LAMA2: variants seen among roughly 807,000 people sequenced by gnomAD.
LAMA2 encodes the protein laminin subunit alpha-2.
A neutral mutation model predicts 364.8 loss-of-function variants in LAMA2; 269 were observed. The observed-to-expected ratio is 0.74, with a 90% CI of 0.67 to 0.82. The LOEUF (loss-of-function observed/expected upper bound fraction) is 0.82, where lower values mean the gene tolerates loss of function less well. Ranked by LOEUF, LAMA2 falls within the 40% of genes least tolerant of loss-of-function variation. The pLI, the probability that LAMA2 is intolerant of heterozygous loss-of-function variation, is 0.00. For synonymous variants in LAMA2, 1,379 were observed against 1,370.6 expected, an observed-to-expected ratio of 1.01 and a Z score of -0.14; for missense variants, 3,807 against 3,873.2, an observed-to-expected ratio of 0.98 and a Z score of 0.45.
intron 1 of LAMA2, among the ~76,000 whole-genome samples, chr6:128,916,451 A>G (rs896882179): frequency 6.6e-6 from 1 of 152,224 alleles, no homozygotes; most frequent in Non-Finnish European, 1.5e-5. Flanking sequence ...CTTCTGTTAC[A>G]TGAATACCTG....
At chr6:129,068,101 C>T (rs1247765980) in intron 3 of LAMA2, among the ~76,000 whole-genome samples, 1 of 152,150 alleles carries the variant, frequency 6.6e-6, no homozygotes, top group African/African-American at 2.4e-5. Flanking sequence ...TAGTGCACAA[C>T]ATATAGGAAG....
At chr6:129,100,108 G>A (rs1775435424) in intron 4 of LAMA2, among the ~76,000 whole-genome samples, 1 of 152,186 alleles carries the variant, frequency 6.6e-6, no homozygotes. Context: ...CGGCAGGTAT[G>A]TAACATGCGT....
chr6:129,427,918 A>T (rs147850997), intron 41 of LAMA2, 64 bp downstream of exon 41: 15 of 958,978 alleles, frequency 1.6e-5, no homozygotes, highest in Non-Finnish European at 2.4e-5. Flanking sequence ...AAGATATTCT[A>T]TCACACTATT....
chr6:129,058,042 A>G (rs1298247491), intron 2 of LAMA2, among the ~76,000 whole-genome samples: 2 of 152,192 alleles, frequency 1.3e-5, no homozygotes, highest in African/African-American at 2.4e-5. Context: ...TTACATTTCT[A>G]TGGGCAAATG....
intron 10 of LAMA2, among the ~76,000 whole-genome samples, chr6:129,188,132 AT>A (rs1781335325): frequency 1.3e-5 from 2 of 151,856 alleles, no homozygotes; most frequent in Admixed American, 1.3e-4. Flanking sequence ...TCCACCTTGC[AT>A]TATAGTTGAT....
chr6:128,955,793 T>G (rs1781106492), intron 1 of LAMA2, among the ~76,000 whole-genome samples: 2 of 151,946 alleles, frequency 1.3e-5, no homozygotes, highest in Admixed American at 1.3e-4. Context: ...ATTTAAAAGT[T>G]TTAGCATTGC....
At chr6:129,164,166 A>C (rs1476846479) in intron 8 of LAMA2, among the ~76,000 whole-genome samples, 2 of 152,052 alleles carry the variant, frequency 1.3e-5, no homozygotes, top group Non-Finnish European at 2.9e-5. Context: ...TATATATACT[A>C]TGTTTTTTCT....
At chr6:129,399,907 G>A (rs1306420654) in intron 37 of LAMA2, among the ~76,000 whole-genome samples, 1 of 152,220 alleles carries the variant, frequency 6.6e-6, no homozygotes, top group Non-Finnish European at 1.5e-5. Context: ...CTATCATTAA[G>A]TAGACAGGGG....
In LAMA2 at chr6:129,464,471, G is replaced by C; in HGVS notation, c.7155+19G>C. The stretch of plus-strand genomic sequence containing the variant: ...AGACCTGGTAAAGATCATATGCATA[G>C]CAGAGTTTCCGTGACTAAAATGCGT... On this transcript the variant is annotated intron_variant, in intron 50 of 64. Coordinates refer to ENST00000421865, the MANE Select transcript of LAMA2 (RefSeq NM_000426.4). The C allele has an allele frequency of 6.2e-7, 1 of 1,601,400 alleles. No individual in the cohort carries two copies. The highest frequency in any genetic ancestry group is 1.3e-5 in the African/African-American group (1 of 74,578).
At chr6:129,094,754 TTCTC>T (rs1775068746) in intron 3 of LAMA2, among the ~76,000 whole-genome samples, 1 of 152,196 alleles carries the variant, frequency 6.6e-6, no homozygotes, top group South Asian at 2.1e-4. Flanking sequence ...TTTACCTAGA[TTCTC>T]TCTTTCACAA....
At chr6:129,398,168 A>G (rs1300304409) in intron 37 of LAMA2, among the ~76,000 whole-genome samples, 6 of 152,222 alleles carry the variant, frequency 3.9e-5, no homozygotes, top group African/African-American at 1.4e-4. Context: ...CAAACAAGCC[A>G]TGTTGTAAAA....
At chr6:129,513,971 T>C (rs902746210) in intron 63 of LAMA2, among the ~76,000 whole-genome samples, 2 of 152,158 alleles carry the variant, frequency 1.3e-5, no homozygotes, top group African/African-American at 4.8e-5. Context: ...AATTAATGAG[T>C]CACTTTAAAC....
rs773370629 is a variant in LAMA2, at chr6:129,393,269, G to C, written c.5445+14G>C. 6.3e-7 allele frequency: 1 copy of C among 1,594,772 alleles called. No homozygotes were observed. Among genetic ancestry groups the C allele is most frequent in the Non-Finnish European group, 8.6e-7 (1 of 1,162,566 alleles). The stretch of plus-strand genomic sequence containing the variant: ...ACTGCATTGGAGGTGAGTCTTAGGG[G>C]CACTTTTATCTTAATCTCAGAAGGT... On this transcript the variant is annotated intron_variant, in intron 37 of 64. Transcript: ENST00000421865.
intron 48 of LAMA2, among the ~76,000 whole-genome samples, 183 bp from the exon 49 acceptor site, chr6:129,460,017 T>A (rs1455666395): frequency 6.6e-6 from 1 of 152,046 alleles, no homozygotes; most frequent in African/African-American, 2.4e-5. Flanking sequence ...TGTTGACTCA[T>A]CCTGTAGTAG....
intron 1 of LAMA2, among the ~76,000 whole-genome samples, chr6:129,035,898 A>G (rs1786608036): frequency 6.6e-6 from 1 of 152,098 alleles, no homozygotes; most frequent in Non-Finnish European, 1.5e-5. Flanking sequence ...CTCAGAGCAT[A>G]GTGTGAAGTC....
intron 21 of LAMA2, among the ~76,000 whole-genome samples, chr6:129,298,431 C>T (rs563897508): frequency 1.3e-5 from 2 of 152,242 alleles, no homozygotes; most frequent in African/African-American, 2.4e-5. Context: ...CCATGATTCC[C>T]TCAAGCAGTA....
At chr6:129,169,707 C>A (rs1301347975) in intron 9 of LAMA2, among the ~76,000 whole-genome samples, 1 of 136,758 alleles carries the variant, frequency 7.3e-6, no homozygotes, top group Non-Finnish European at 1.5e-5. Flanking sequence ...CCCTCTTTTT[C>A]TATTGATTGG....
intron 30 of LAMA2, among the ~76,000 whole-genome samples, chr6:129,344,277 G>C (rs1217328256): frequency 6.6e-6 from 1 of 152,162 alleles, no homozygotes; most frequent in African/African-American, 2.4e-5. Context: ...GTAGGTAATA[G>C]TAATAAGAAT....
intron 29 of LAMA2, among the ~76,000 whole-genome samples, chr6:129,334,666 G>A (rs535632842): frequency 5.9e-5 from 9 of 152,260 alleles, no homozygotes; most frequent in Admixed American, 4.6e-4. Flanking sequence ...ATAAATAACA[G>A]AAACTTATTT....
Sources: gnomAD v4.1 joint callset for allele counts (sites outside exome capture counted in the v4.1 genomes callset) on GRCh38, gnomAD v4.1.1 for gene constraint, MANE v1.5 for transcripts, NCBI Gene and HGNC (gene_info 2026-07-23, HGNC 2026-07-21) for gene names.